FAAH2: variants seen among roughly 807,000 people sequenced by gnomAD.
The protein encoded by FAAH2 is fatty-acid amide hydrolase 2.
Under a neutral mutation model 36.9 loss-of-function variants are expected in FAAH2, and 60 were observed. That is an observed-to-expected ratio of 1.63 (90% confidence interval 1.32 to 2.02). FAAH2 has a LOEUF of 2.02. Ranked by LOEUF, FAAH2 falls within the 30% of genes most tolerant of loss-of-function variation. The probability of loss-of-function intolerance (pLI) is 0.00; values close to 1 mark genes in which losing one functional copy is unlikely to be tolerated. For synonymous variants in FAAH2, 214 were observed against 143.8 expected (o/e 1.49, Z -3.49); for missense variants, 689 against 397.5 (o/e 1.73, Z -6.23).
the FAAH2 span, among the ~76,000 whole-genome samples, chrX:57,214,106 G>T: frequency 9.0e-6 from 1 of 111,644 alleles, no homozygotes; most frequent in Non-Finnish European, 1.9e-5. Flanking sequence ...TGTTGCCTTT[G>T]ATATAAGTAT....
the FAAH2 span, among the ~76,000 whole-genome samples, chrX:57,147,477 A>C: frequency 9.0e-6 from 1 of 111,585 alleles, no homozygotes; most frequent in Non-Finnish European, 1.9e-5. Flanking sequence ...CCAGTGGTTT[A>C]TCAATTTTAT....
At chrX:57,206,002 A>G in the FAAH2 span, among the ~76,000 whole-genome samples, 1 of 112,268 alleles carries the variant, frequency 8.9e-6, no homozygotes, top group Admixed American at 9.5e-5. Flanking sequence ...AGAAAAAGCC[A>G]TTCTACAAGA....
the FAAH2 span, among the ~76,000 whole-genome samples, chrX:57,184,651 G>T: frequency 2.7e-5 from 3 of 112,500 alleles, no homozygotes; most frequent in African/African-American, 9.7e-5. Flanking sequence ...AAACCAAGTT[G>T]AAATAGATAA....
chrX:57,140,417 C>CAAAAAAAA, the FAAH2 span, among the ~76,000 whole-genome samples: 2 of 64,824 alleles, frequency 3.1e-5, no homozygotes, highest in African/African-American at 6.6e-5. Flanking sequence ...CCATCTCTAC[C>CAAAAAAAA]AAAAAAAAAA....
chrX:57,398,893 C>T (rs886593150), intron 7 of FAAH2, among the ~76,000 whole-genome samples: 17 of 111,403 alleles, frequency 1.5e-4, no homozygotes, highest in Admixed American at 2.9e-4. Context: ...CAGTCACACC[C>T]TCTCAACAGG....
chrX:57,255,925 G>A, the FAAH2 span, among the ~76,000 whole-genome samples: 4 of 111,671 alleles, frequency 3.6e-5, no homozygotes, highest in Non-Finnish European at 7.5e-5. Context: ...TTTCTGGCCA[G>A]GGCAATCAGT....
chrX:57,211,451 CCTT>C, the FAAH2 span, among the ~76,000 whole-genome samples: 2 of 111,795 alleles, frequency 1.8e-5, no homozygotes, highest in African/African-American at 3.3e-5. Context: ...TGCCCTTCCT[CCTT>C]CTTGGAGGCA....
At chrX:57,242,199 C>A in the FAAH2 span, among the ~76,000 whole-genome samples, 2 of 111,650 alleles carry the variant, frequency 1.8e-5, no homozygotes, top group Admixed American at 9.5e-5. Context: ...ACACCTTATA[C>A]AAGAGAGCTC....
chrX:57,403,502 A>T (rs2055490585), intron 7 of FAAH2, among the ~76,000 whole-genome samples: 1 of 112,800 alleles, frequency 8.9e-6, no homozygotes, highest in Non-Finnish European at 1.9e-5. Context: ...ATTTCATAAT[A>T]ACCCATTTGC....
At chrX:57,347,639 CTGTTGT>C (rs1483403490) in intron 5 of FAAH2, among the ~76,000 whole-genome samples, 1 of 44,042 alleles carries the variant, frequency 2.3e-5, no homozygotes, top group Non-Finnish European at 3.7e-5. Context: ...TTTTTTTTTG[CTGTTGT>C]TGTTGTTTTA....
chrX:57,265,364 C>T, the FAAH2 span, among the ~76,000 whole-genome samples: 1 of 111,775 alleles, frequency 8.9e-6, no homozygotes, highest in East Asian at 2.8e-4. Context: ...CGTTGCACCT[C>T]ACAGGATAAG....
At position 57,364,181 on chromosome X, in the gene FAAH2, G is replaced by A. The variant is rs1312647289; in HGVS notation, c.743-14470G>A. ...GCAGAATTTGGCTATGAATCCGTTT[G>A]GTGCAGGGCTTTTTTCTTGGTAGTT... is the stretch of plus-strand genomic sequence containing the variant. On this transcript the variant is annotated intron_variant, in intron 5 of 10. Coordinates refer to ENST00000374900, the MANE Select transcript of FAAH2 (RefSeq NM_174912.4). 4.6e-5 allele frequency among the ~76,000 whole-genome samples: 5 copies of A among 108,629 alleles called. No homozygotes were observed. The East Asian group carries it at 1.2e-3, about 25-fold the overall frequency. The allele number at this position is 108,629 out of a possible 115,157, so 94.3% of individuals were successfully genotyped here. A position where few individuals can be genotyped will look rare whatever the true frequency, so the allele number is the denominator to read the frequency against.
chrX:57,216,476 G>A, the FAAH2 span, among the ~76,000 whole-genome samples: 2 of 69,833 alleles, frequency 2.9e-5, no homozygotes, highest in Non-Finnish European at 5.8e-5. Context: ...TGGCTTAGTA[G>A]TATTCTATTA....
At chrX:57,177,994 C>T in the FAAH2 span, among the ~76,000 whole-genome samples, 1 of 110,952 alleles carries the variant, frequency 9.0e-6, no homozygotes, top group Admixed American at 9.6e-5. Context: ...GGCCAAACTA[C>T]TATATCTTTA....
chrX:57,367,881 G>C, intron 5 of FAAH2, among the ~76,000 whole-genome samples: 1 of 111,838 alleles, frequency 8.9e-6, no homozygotes, highest in Non-Finnish European at 1.9e-5. Context: ...CATTGTTAAA[G>C]AAAGAGCCCA....
intron 1 of FAAH2, chrX:57,290,354 A>T: frequency 1.6e-6 from 1 of 642,241 alleles, no homozygotes; most frequent in Non-Finnish European, 1.9e-6. Flanking sequence ...CTCTGTATAC[A>T]CTAGACTATT....
chrX:57,419,287 C>A (rs1330685765), intron 7 of FAAH2, among the ~76,000 whole-genome samples: 1 of 110,693 alleles, frequency 9.0e-6, no homozygotes, highest in Non-Finnish European at 1.9e-5. Context: ...CCTGAGGAAT[C>A]ACCACACTGA....
chrX:57,376,590 T>C (rs2054685973), intron 5 of FAAH2, among the ~76,000 whole-genome samples: 1 of 112,132 alleles, frequency 8.9e-6, no homozygotes, highest in African/African-American at 3.2e-5. Flanking sequence ...GTCTTTGCTA[T>C]TGTGAATAGT....
intron 8 of FAAH2, among the ~76,000 whole-genome samples, chrX:57,440,462 A>G (rs1306769873): frequency 9.0e-6 from 1 of 111,463 alleles, no homozygotes; most frequent in South Asian, 3.7e-4. Flanking sequence ...GTATCCTGAG[A>G]CTTTGCTGAA....
Sources: allele counts gnomAD v4.1 joint callset (sites outside exome capture counted in the v4.1 genomes callset), GRCh38; gene constraint gnomAD v4.1.1; transcripts MANE v1.5; gene names NCBI Gene and HGNC (gene_info 2026-07-23, HGNC 2026-07-21).